STK32C: variants seen among roughly 807,000 people sequenced by gnomAD.
STK32C encodes serine/threonine-protein kinase 32C.
In STK32C, 31 loss-of-function variants were observed where a neutral mutation model predicts 56.5. The ratio of observed to expected loss-of-function variants is 0.55; its 90% CI spans 0.41 to 0.74. The LOEUF (loss-of-function observed/expected upper bound fraction) is 0.74, where lower values mean the gene tolerates loss of function less well. Ranked by LOEUF, STK32C falls within the 30% of genes least tolerant of loss-of-function variation. The pLI is 0.00. For missense variants in STK32C, 544 were observed against 676.9 expected (o/e 0.80, Z 2.18); for synonymous variants, 309 against 289.4 (o/e 1.07, Z -0.69).
chr10:132,277,269 A>T (rs866150364), intron 1 of STK32C, among the ~76,000 whole-genome samples: 1 of 152,112 alleles, frequency 6.6e-6, no homozygotes, highest in Non-Finnish European at 1.5e-5. Context: ...CGCTGGAGAG[A>T]GAGCCAGGGA....
intron 10 of STK32C, among the ~76,000 whole-genome samples, chr10:132,218,508 T>C (rs933470004): frequency 1.3e-5 from 2 of 152,090 alleles, no homozygotes; most frequent in African/African-American, 4.8e-5. Context: ...CACTGCACAC[T>C]AAGATAACTA....
chr10:132,279,455 T>C (rs889786057), intron 1 of STK32C, among the ~76,000 whole-genome samples: 1 of 152,086 alleles, frequency 6.6e-6, no homozygotes, highest in African/African-American at 2.4e-5. Flanking sequence ...AGTACATGCA[T>C]GTGTGTAAAG....
rs1418676843 is a variant in STK32C at position 132,307,884 on chromosome 10, G to A, written c.-51C>T. On this transcript the variant is annotated 5_prime_UTR_variant, in exon 1 of 12. Transcript: ENST00000298630. This position sits in a 1 kb window ranked among gnomAD's most constrained non-coding sequence, Gnocchi z 4.4. ...CCGGAACTCGGGGCATGGCCGGCCG[G>A]CAGGGCCGGGAGCGGCAGTGGTAGC... 1 of 1,140,276 alleles carries A rather than the reference G, an allele frequency of 8.8e-7. No homozygotes were observed. 70.6% of individuals were successfully genotyped at this position (1,140,276 alleles called of 1,614,324 possible).
In STK32C at chr10:132,307,517, C is replaced by G; in HGVS notation, c.262+55G>C. 1 of 1,500,602 alleles carries G rather than the reference C, an allele frequency of 6.7e-7. No individual in the cohort carries two copies. Among genetic ancestry groups the G allele is most frequent in the Non-Finnish European group, 8.9e-7 (1 of 1,123,810 alleles). 93.0% of individuals were successfully genotyped at this position (1,500,602 alleles called of 1,614,324 possible). Reference sequence around the variant, plus strand: ...CCTGCGGGAAAAAGCCGCCCAGCCGCGCCCGCCCCTGCAATAGCGCGCGGC... The same window carrying G: ...CCTGCGGGAAAAAGCCGCCCAGCCGGGCCCGCCCCTGCAATAGCGCGCGGC... On this transcript the variant is annotated intron_variant, in intron 1 of 11. Coordinates refer to ENST00000298630, the MANE Select transcript of STK32C (RefSeq NM_173575.4). The surrounding 1 kb of genome is among the most constrained non-coding windows in gnomAD (Gnocchi z 4.4).
At chr10:132,312,814 C>T (rs2066245402), upstream of STK32C, among the ~76,000 whole-genome samples, 5 of 152,104 alleles carry the variant, frequency 3.3e-5, no homozygotes, top group South Asian at 1.0e-3. Flanking sequence ...CCGAGGTGGG[C>T]GGCTCACTTG....
chr10:132,331,243 C>T (rs768117888), intron 1 of STK32C, among the ~76,000 whole-genome samples: 1 of 149,196 alleles, frequency 6.7e-6, no homozygotes, highest in African/African-American at 2.5e-5. Context: ...ATGGCAGACT[C>T]CAGCTAAACT....
In STK32C at chr10:132,210,927, G is replaced by C. The variant is rs952455658; in HGVS notation, c.1252-1826C>G. On this transcript the variant is annotated intron_variant, in intron 10 of 11. Transcript: ENST00000298630. Reference sequence around the variant, plus strand: ...ACTGTCCCGCCCGCTCCTCCTGGTGGTGTCACCCTGGTCCTGGGCATTCCC... The same window carrying C: ...ACTGTCCCGCCCGCTCCTCCTGGTGCTGTCACCCTGGTCCTGGGCATTCCC... Among the ~76,000 whole-genome samples the C allele has an allele frequency of 7.2e-5, 11 of 152,326 alleles. No individual in the cohort carries two copies. The East Asian group carries it at 2.1e-3, about 29-fold the overall frequency.
intron 10 of STK32C, 147 bp from the exon 11 acceptor site, chr10:132,209,248 C>A: frequency 2.7e-6 from 2 of 753,454 alleles, no homozygotes; most frequent in South Asian, 3.0e-5. Flanking sequence ...CCCCGGCCCT[C>A]CAGCAGCCAG....
intron 1 of STK32C, chr10:132,248,958 A>G (rs1261056910): frequency 4.4e-6 from 2 of 456,786 alleles, no homozygotes; most frequent in Non-Finnish European, 8.8e-6. Context: ...AGGATGGGAA[A>G]CAAAATCTAT....
At chr10:132,226,727 G>C in intron 4 of STK32C, 68 bp downstream of exon 4, 1 of 1,569,060 alleles carries the variant, frequency 6.4e-7, no homozygotes, top group South Asian at 1.1e-5. Flanking sequence ...CGTGCCGGCA[G>C]CCTGACCTAA....
chr10:132,308,431 G>A (rs2066151977), upstream of STK32C, among the ~76,000 whole-genome samples: 1 of 152,166 alleles, frequency 6.6e-6, no homozygotes, highest in Admixed American at 6.5e-5. Flanking sequence ...CCAGTGCGGG[G>A]AGCCCTAAAC....
chr10:132,290,636 A>G (rs1033883062), intron 1 of STK32C, among the ~76,000 whole-genome samples: 4 of 152,232 alleles, frequency 2.6e-5, no homozygotes, highest in African/African-American at 9.6e-5. Flanking sequence ...CTACCCAGGA[A>G]GATGCCAAGA....
intron 1 of STK32C, among the ~76,000 whole-genome samples, chr10:132,306,278 G>A (rs1057413522): frequency 2.0e-5 from 3 of 152,234 alleles, no homozygotes; most frequent in Admixed American, 6.5e-5. Flanking sequence ...AGCCAGAAAC[G>A]AGAGGCAAAT....
At chr10:132,312,656 C>A (rs1399346156), upstream of STK32C, among the ~76,000 whole-genome samples, 2 of 152,186 alleles carry the variant, frequency 1.3e-5, no homozygotes, top group African/African-American at 4.8e-5. Flanking sequence ...TGGCTCAATG[C>A]TGCACTACGT....
intron 2 of STK32C, among the ~76,000 whole-genome samples, chr10:132,245,172 C>T (rs117219052): frequency 0.011 from 1,618 of 152,246 alleles, 13 homozygotes; most frequent in South Asian, 0.025. Context: ...CTTAAATAGA[C>T]ACAGTGTCCA....
intron 1 of STK32C, among the ~76,000 whole-genome samples, chr10:132,306,306 C>T (rs1028523037): frequency 1.3e-5 from 2 of 152,248 alleles, no homozygotes; most frequent in East Asian, 1.9e-4. Flanking sequence ...CTGATCAGCT[C>T]CTAGTTCACT....
At chr10:132,325,504 G>A (rs1243077677) in intron 1 of STK32C, among the ~76,000 whole-genome samples, 1 of 150,754 alleles carries the variant, frequency 6.6e-6, no homozygotes, top group Non-Finnish European at 1.5e-5. Flanking sequence ...AGTGAGCCGA[G>A]ATCGCACCAC....
At chr10:132,239,664 C>T (rs2063431698) in intron 2 of STK32C, among the ~76,000 whole-genome samples, 1 of 152,254 alleles carries the variant, frequency 6.6e-6, no homozygotes, top group Admixed American at 6.5e-5. Flanking sequence ...GCAGTGACTG[C>T]AGCAGCCCCT....
At chr10:132,244,037 C>G (rs551765485) in intron 2 of STK32C, among the ~76,000 whole-genome samples, 1 of 152,212 alleles carries the variant, frequency 6.6e-6, no homozygotes, top group Non-Finnish European at 1.5e-5. Flanking sequence ...CAACCACACG[C>G]AGAACCACCC....
Sources: allele counts gnomAD v4.1 joint callset (sites outside exome capture counted in the v4.1 genomes callset), GRCh38; gene constraint gnomAD v4.1.1; non-coding constraint Gnocchi (gnomAD v3.1); transcripts MANE v1.5; gene names NCBI Gene and HGNC (gene_info 2026-07-23, HGNC 2026-07-21).